The following COMMD1 variants were observed in gnomAD, a reference collection of about 807,000 sequenced individuals.
The protein encoded by COMMD1 is COMM domain-containing protein 1.
In COMMD1, 10 loss-of-function variants were observed where a neutral mutation model predicts 17.2. The observed-to-expected ratio is 0.58, with a 90% CI of 0.36 to 0.99. COMMD1 has a LOEUF of 0.99. COMMD1 is among the 50% of genes least tolerant of loss of function. The probability of loss-of-function intolerance (pLI) is 0.01; values close to 1 mark genes in which losing one functional copy is unlikely to be tolerated. For synonymous variants in COMMD1, 97 were observed against 91.6 expected, an observed-to-expected ratio of 1.06 and a Z score of -0.34; for missense variants, 270 against 231.8, an observed-to-expected ratio of 1.17 and a Z score of -1.07.
At chr2:62,018,040 C>A (rs113929944) in intron 2 of COMMD1, among the ~76,000 whole-genome samples, 1 of 151,006 alleles carries the variant, frequency 6.6e-6, no homozygotes, top group Non-Finnish European at 1.5e-5. Context: ...CAGAGCATGA[C>A]CTATCTCAAA....
Position 62,041,905 on chromosome 2 carries a change from G to A in COMMD1, c.462+40923G>A, listed in dbSNP as rs148558324. 2.0e-5 allele frequency among the ~76,000 whole-genome samples: 3 copies of A among 152,344 alleles called. No individual in the cohort carries two copies. The East Asian group carries it at 5.8e-4, about 29-fold the overall frequency. On this transcript the variant is annotated intron_variant, in intron 2 of 2. Transcript: ENST00000311832. ...GCGATGCAGACCCAAAGAGTGAGCA[G>A]CAGCAAGATTTATTGTGAAGAGTGA... is the stretch of plus-strand genomic sequence containing the variant.
intron 1 of COMMD1, among the ~76,000 whole-genome samples, chr2:61,958,066 G>A (rs906683513): frequency 3.9e-5 from 6 of 152,110 alleles, no homozygotes; most frequent in Non-Finnish European, 5.9e-5. Context: ...ACATGTGCAG[G>A]TTTGTTATAT....
intron 2 of COMMD1, among the ~76,000 whole-genome samples, chr2:62,077,916 G>A (rs1671390746): frequency 2.6e-5 from 4 of 152,022 alleles, no homozygotes; most frequent in African/African-American, 4.8e-5. Flanking sequence ...AAATTCTTCT[G>A]TTTGACAATT....
At chr2:61,959,777 C>A (rs1446804471) in intron 1 of COMMD1, among the ~76,000 whole-genome samples, 1 of 152,156 alleles carries the variant, frequency 6.6e-6, no homozygotes, top group Non-Finnish European at 1.5e-5. Context: ...GCAAGGTGAG[C>A]TTTACTTTTT....
chr2:61,990,889 A>ATAT (rs1424991328), intron 1 of COMMD1, among the ~76,000 whole-genome samples: 55 of 98,236 alleles, frequency 5.6e-4, no homozygotes, highest in African/African-American at 2.1e-3. Context: ...AAAAAAAAAA[A>ATAT]AAATATATAT....
At chr2:62,127,476 A>G (rs1672914748) in intron 2 of COMMD1, among the ~76,000 whole-genome samples, 1 of 152,230 alleles carries the variant, frequency 6.6e-6, no homozygotes, top group Non-Finnish European at 1.5e-5. Flanking sequence ...ACTTCAAACT[A>G]TACTACAAGG....
chr2:62,067,212 C>T (rs892318460), intron 2 of COMMD1, among the ~76,000 whole-genome samples: 6 of 145,494 alleles, frequency 4.1e-5, no homozygotes, highest in Non-Finnish European at 6.0e-5. Context: ...GTGGCAAGAG[C>T]GAAACTCCAT....
intron 1 of COMMD1, among the ~76,000 whole-genome samples, chr2:61,962,589 T>C (rs966203245): frequency 3.3e-5 from 5 of 152,200 alleles, no homozygotes; most frequent in Non-Finnish European, 7.3e-5. Context: ...TGACCAGTTA[T>C]TCAATCATTC....
chr2:62,057,793 A>G (rs1020051115), intron 2 of COMMD1, among the ~76,000 whole-genome samples: 6 of 151,844 alleles, frequency 4.0e-5, no homozygotes, highest in Non-Finnish European at 5.9e-5. Context: ...ACTGGTCTCA[A>G]ACTCCTGGGC....
intron 2 of COMMD1, among the ~76,000 whole-genome samples, chr2:62,018,061 AG>A (rs1429542383): frequency 6.6e-6 from 1 of 152,018 alleles, no homozygotes; most frequent in Non-Finnish European, 1.5e-5. Context: ...AAAAAAAAAA[AG>A]TCTGACTTTA....
chr2:62,082,090 C>T (rs1671540149), intron 2 of COMMD1, among the ~76,000 whole-genome samples: 1 of 152,146 alleles, frequency 6.6e-6, no homozygotes, highest in Admixed American at 6.5e-5. Context: ...ATTAGTTTGA[C>T]ATTTATCACT....
At chr2:61,910,259 C>CCT (rs1558518243) in intron 1 of COMMD1, among the ~76,000 whole-genome samples, 2 of 150,438 alleles carry the variant, frequency 1.3e-5, no homozygotes, top group African/African-American at 2.4e-5. Context: ...CTGCCCCCCC[C>CCT]TTTTTTTTTA....
intron 1 of COMMD1, among the ~76,000 whole-genome samples, chr2:61,967,433 T>C (rs1197311663): frequency 6.6e-6 from 1 of 152,230 alleles, no homozygotes; most frequent in African/African-American, 2.4e-5. Flanking sequence ...GGCACTGATA[T>C]GTAGACCATA....
intron 2 of COMMD1, among the ~76,000 whole-genome samples, chr2:62,069,163 C>T (rs188459171): frequency 1.9e-4 from 29 of 151,034 alleles, no homozygotes; most frequent in African/African-American, 6.3e-4. Context: ...TTTATTTTGG[C>T]TTTTTTTTTG....
At chr2:61,947,333 CT>C (rs1320485362) in intron 1 of COMMD1, among the ~76,000 whole-genome samples, 1 of 151,360 alleles carries the variant, frequency 6.6e-6, no homozygotes, top group Non-Finnish European at 1.5e-5. Flanking sequence ...TTGGAAATGA[CT>C]TTTTTTTTAT....
At chr2:61,917,076 G>A (rs1382600249) in intron 1 of COMMD1, among the ~76,000 whole-genome samples, 3 of 151,976 alleles carry the variant, frequency 2.0e-5, no homozygotes, top group Non-Finnish European at 4.4e-5. Flanking sequence ...ATTTGGGGCC[G>A]GACACAAAGG....
At chr2:62,109,919 C>CTTTTTTTTT (rs11345736) in intron 2 of COMMD1, among the ~76,000 whole-genome samples, 11 of 73,852 alleles carry the variant, frequency 1.5e-4, no homozygotes, top group East Asian at 4.4e-4. Flanking sequence ...TTATCTTGAT[C>CTTTTTTTTT]TTTTTTTTTT....
At chr2:62,053,742 TTG>T (rs143876492) in intron 2 of COMMD1, among the ~76,000 whole-genome samples, 2,260 of 152,306 alleles carry the variant, frequency 0.015, 42 homozygotes, top group East Asian at 0.088. Flanking sequence ...AGAAGGGCTT[TTG>T]TGCATGATGT....
intron 1 of COMMD1, among the ~76,000 whole-genome samples, chr2:61,940,603 A>T (rs1572983607): frequency 6.6e-6 from 1 of 152,100 alleles, no homozygotes; most frequent in Non-Finnish European, 1.5e-5. Flanking sequence ...TCTCATGATA[A>T]CCTTTGCTGC....
Sources: allele counts gnomAD v4.1 joint callset (sites outside exome capture counted in the v4.1 genomes callset), GRCh38; gene constraint gnomAD v4.1.1; transcripts MANE v1.5; gene names NCBI Gene and HGNC (gene_info 2026-07-23, HGNC 2026-07-21).